The following PLA2G2F variants were observed in gnomAD, a reference collection of about 807,000 sequenced individuals.
PLA2G2F encodes group IIF secretory phospholipase A2.
Under a neutral mutation model 15.9 loss-of-function variants are expected in PLA2G2F, and 17 were observed. The observed-to-expected ratio is 1.07, with a 90% CI of 0.73 to 1.60. The LOEUF (loss-of-function observed/expected upper bound fraction) is 1.60. Ranked by LOEUF, PLA2G2F falls within the 40% of genes most tolerant of loss-of-function variation. The probability of loss-of-function intolerance (pLI) is 0.00; values close to 1 mark genes in which losing one functional copy is unlikely to be tolerated. For synonymous variants in PLA2G2F, 119 were observed against 106.5 expected, an observed-to-expected ratio of 1.12 and a Z score of -0.72; for missense variants, 299 against 278.2, an observed-to-expected ratio of 1.07 and a Z score of -0.53.
intron 4 of PLA2G2F, among the ~76,000 whole-genome samples, chr1:20,147,901 C>T (rs1349575450): frequency 1.3e-5 from 2 of 152,100 alleles, no homozygotes; most frequent in African/African-American, 4.8e-5. Context: ...GGCTCAGTTT[C>T]CCCAGCTATG....
At chr1:20,145,798 T>TG (rs567828751) in intron 4 of PLA2G2F, among the ~76,000 whole-genome samples, 5 of 151,656 alleles carry the variant, frequency 3.3e-5, no homozygotes, top group Non-Finnish European at 7.4e-5. Flanking sequence ...TTTGTGGAGA[T>TG]GGGGGTCTCA....
intron 2 of PLA2G2F, chr1:20,141,254 T>G (rs2017461039): frequency 6.6e-6 from 1 of 152,340 alleles, no homozygotes; most frequent in Middle Eastern, 3.4e-3. Context: ...CTGGATGCGT[T>G]GTGTATGTGA....
chr1:20,144,096 G>GAAGGGAGTGGCTGGCTCTACCAGCCT, intron 3 of PLA2G2F: 1 of 190,922 alleles, frequency 5.2e-6, no homozygotes. Context: ...CGCCCCCAGA[G>GAAGGGAGTGGCTGGCTCTACCAGCCT]GTGATGGGGA....
At chr1:20,142,225 G>C (rs7529273) in intron 2 of PLA2G2F, 11,764 of 152,594 alleles carry the variant, frequency 0.077, 1,467 homozygotes, top group African/African-American at 0.26. Flanking sequence ...AATGGCTGGG[G>C]TGGGGGAAGC....
In PLA2G2F at chr1:20,148,514, C is replaced by T. The variant is rs2017662239; in HGVS notation, c.*113C>T. 5 of 837,488 alleles carry T rather than the reference C, an allele frequency of 6.0e-6. No homozygotes were observed. The East Asian group carries it at 7.9e-5, about 13-fold the overall frequency. The allele number at this position is 837,488 out of a possible 1,614,324, so 51.9% of individuals were successfully genotyped here. On this transcript the variant is annotated 3_prime_UTR_variant, in exon 5 of 5. Transcript: ENST00000375102. ...GCCTGAGGGTTGCTGGTTGCCTCCT[C>T]CCTGGAGCTCTCCAGTGAGGGCTCA...
intron 4 of PLA2G2F, among the ~76,000 whole-genome samples, chr1:20,146,756 G>T (rs1405183483): frequency 2.0e-5 from 3 of 152,168 alleles, no homozygotes; most frequent in Non-Finnish European, 4.4e-5. Flanking sequence ...AGATCTCTGT[G>T]GTCCTCATGT....
chr1:20,139,691 CAT>C, intron 1 of PLA2G2F, 148 bp downstream of exon 1: 1 of 645,364 alleles, frequency 1.5e-6, no homozygotes. Flanking sequence ...ACGTGGCACT[CAT>C]GTGGCCCAGG....
chr1:20,143,769 G>A (rs1207257758), intron 3 of PLA2G2F, 179 bp downstream of exon 3: 1 of 791,002 alleles, frequency 1.3e-6, no homozygotes, highest in South Asian at 2.0e-5. Flanking sequence ...ACTGTTTTGA[G>A]CGCTTTCTGT....
chr1:20,143,838 G>A (rs1357706556), intron 3 of PLA2G2F: 4 of 456,642 alleles, frequency 8.8e-6, no homozygotes, highest in Non-Finnish European at 1.6e-5. Flanking sequence ...CTCTAGGAAG[G>A]GACCTTTGAC....
intron 4 of PLA2G2F, among the ~76,000 whole-genome samples, chr1:20,146,222 C>T (rs1222554725): frequency 2.0e-5 from 3 of 152,178 alleles, no homozygotes; most frequent in Admixed American, 6.5e-5. Context: ...CTGGTTCTGT[C>T]ACCATCTCCC....
Position 20,149,941 on chromosome 1 carries a change from G to A in PLA2G2F, c.*1540G>A, listed in dbSNP as rs2100699812. 4 of 152,656 alleles carry A rather than the reference G, an allele frequency of 2.6e-5. No individual in the cohort carries two copies. The Middle Eastern group carries it at 0.014, about 519-fold the overall frequency. The allele number at this position is 152,656 out of a possible 1,614,324, so 9.5% of individuals were successfully genotyped here. ...GCAAGCTCGCCTGGCAGTGCCCCTG[G>A]AGCACCATTGTCGCTGGGGAGGGAG... On this transcript the variant is annotated 3_prime_UTR_variant, in exon 5 of 5. Coordinates refer to ENST00000375102, the MANE Select transcript of PLA2G2F (RefSeq NM_022819.4).
At chr1:20,143,851 G>C (rs1287223413) in intron 3 of PLA2G2F, 12 of 402,944 alleles carry the variant, frequency 3.0e-5, no homozygotes, top group African/African-American at 6.1e-5. Context: ...CCTTTGACTT[G>C]CTCCAAAACA....
intron 2 of PLA2G2F, chr1:20,141,192 C>CGG (rs1412005279): frequency 6.6e-6 from 1 of 152,268 alleles, no homozygotes; most frequent in African/African-American, 2.4e-5. Context: ...TGGATTCCTT[C>CGG]GCTTGGACGG....
In PLA2G2F at chr1:20,148,408, T is replaced by C. The variant is rs766754070; in HGVS notation, c.*7T>C. 8 of 1,605,470 alleles carry C rather than the reference T, an allele frequency of 5.0e-6. No individual in the cohort carries two copies. The East Asian group carries it at 1.8e-4, about 36-fold the overall frequency. ...GCCCCCCGCCCCTCCCTAGAGCCTC[T>C]GAGGTTTGAGAGAGAGAGCGGGAGG... is the stretch of plus-strand genomic sequence containing the variant. On this transcript the variant is annotated 3_prime_UTR_variant, in exon 5 of 5. Transcript: ENST00000375102.
intron 2 of PLA2G2F, 64 bp from the exon 3 acceptor site, chr1:20,143,382 G>A (rs1173560274): frequency 1.3e-6 from 2 of 1,578,228 alleles, no homozygotes; most frequent in East Asian, 2.3e-5. Flanking sequence ...CTCTCAGGAT[G>A]AGAGAGGCTG....
intron 1 of PLA2G2F, among the ~76,000 whole-genome samples, 178 bp from the exon 2 acceptor site, chr1:20,139,988 G>A (rs2017427149): frequency 6.6e-6 from 1 of 152,126 alleles, no homozygotes; most frequent in Admixed American, 6.5e-5. Context: ...TGCCATCTGG[G>A]GTGCGCTCCT....
At position 20,139,379 on chromosome 1, in the gene PLA2G2F, A is replaced by C; in HGVS notation, c.-49A>C. 1 of 1,412,730 alleles carries C rather than the reference A, an allele frequency of 7.1e-7. No homozygotes were observed. Among genetic ancestry groups the C allele is most frequent in the Non-Finnish European group, 9.8e-7 (1 of 1,020,856 alleles). The allele number at this position is 1,412,730 out of a possible 1,614,324, so 87.5% of individuals were successfully genotyped here. Reference sequence around the variant, plus strand: ...CTGCTCCCCGCAGCCTCTGGAGCGCATCTCAGACCTTCTGAGACCTATGTT... The same window carrying C: ...CTGCTCCCCGCAGCCTCTGGAGCGCCTCTCAGACCTTCTGAGACCTATGTT... On this transcript the variant is annotated 5_prime_UTR_variant, in exon 1 of 5. Transcript: ENST00000375102.
chr1:20,141,775 G>A (rs2017479876), intron 2 of PLA2G2F: 1 of 152,264 alleles, frequency 6.6e-6, no homozygotes, highest in African/African-American at 2.4e-5. Context: ...CTGCAAGGAG[G>A]CGTCATGATC....
At position 20,148,284 on chromosome 1, in the gene PLA2G2F, C is replaced by T; in HGVS notation, c.519C>T (p.Tyr173=). ...TGAACCAGACGTACCGAGAGGAGTA[C>T]CGTGGCTTCCTCAATGTCTACTGCC... ...CLMNQTYREE[Y]RGFLNVYCQG... Residue 173 remains tyrosine, a synonymous_variant, in exon 5 of 5, where the codon TAC becomes TAT. Coordinates refer to ENST00000375102, the MANE Select transcript of PLA2G2F (RefSeq NM_022819.4). 6.2e-7 allele frequency: 1 copy of T among 1,614,068 alleles called. No individual in the cohort carries two copies. Among genetic ancestry groups the T allele is most frequent in the Non-Finnish European group, 8.5e-7 (1 of 1,179,990 alleles).
Sources: gnomAD v4.1 joint callset for allele counts (sites outside exome capture counted in the v4.1 genomes callset) on GRCh38, gnomAD v4.1.1 for gene constraint, MANE v1.5 for transcripts, NCBI Gene and HGNC (gene_info 2026-07-23, HGNC 2026-07-21) for gene names.